Variants in GRM8 observed in about 807,000 individuals in gnomAD.
The protein encoded by GRM8 is glutamate metabotropic receptor 8, also known as metabotropic glutamate receptor 8.
A neutral mutation model predicts 87.2 loss-of-function variants in GRM8; 47 were observed. That is an observed-to-expected ratio of 0.54 (90% confidence interval 0.43 to 0.69). The LOEUF (loss-of-function observed/expected upper bound fraction) is 0.69, where lower values mean the gene tolerates loss of function less well. GRM8 is among the 30% of genes least tolerant of loss of function. The probability of loss-of-function intolerance (pLI) is 0.00; values close to 1 mark genes in which losing one functional copy is unlikely to be tolerated. For missense variants in GRM8, 1,019 were observed against 1,139.2 expected, an observed-to-expected ratio of 0.89 and a Z score of 1.52; for synonymous variants, 396 against 404.5, an observed-to-expected ratio of 0.98 and a Z score of 0.25.
chr7:126,784,066 T>G (rs1820373660), intron 6 of GRM8, among the ~76,000 whole-genome samples: 1 of 152,166 alleles, frequency 6.6e-6, no homozygotes, highest in Non-Finnish European at 1.5e-5. Flanking sequence ...CCTTCAACAT[T>G]ACATATAAGC....
At chr7:127,214,628 G>A (rs1016179173) in intron 2 of GRM8, among the ~76,000 whole-genome samples, 1 of 152,098 alleles carries the variant, frequency 6.6e-6, no homozygotes, top group African/African-American at 2.4e-5. Context: ...CGTGTTGAAG[G>A]AAGTGCCGCA....
At chr7:126,919,519 T>C (rs1804282949) in intron 3 of GRM8, among the ~76,000 whole-genome samples, 1 of 152,084 alleles carries the variant, frequency 6.6e-6, no homozygotes, top group Admixed American at 6.5e-5. Context: ...TCTTAAAAAC[T>C]GATTTTTTGT....
chr7:126,590,779 A>C (rs1796597981), intron 8 of GRM8, among the ~76,000 whole-genome samples: 1 of 152,126 alleles, frequency 6.6e-6, no homozygotes, highest in Non-Finnish European at 1.5e-5. Context: ...AACTAAGCTT[A>C]ATAAATAAAG....
chr7:126,995,262 G>A (rs1813066255), intron 3 of GRM8, among the ~76,000 whole-genome samples: 1 of 152,128 alleles, frequency 6.6e-6, no homozygotes, highest in Non-Finnish European at 1.5e-5. Flanking sequence ...AGACTGAGAA[G>A]ACTACAATAA....
intron 1 of GRM8, chr7:127,251,130 G>A (rs1798840185): frequency 6.6e-6 from 1 of 152,180 alleles, no homozygotes; most frequent in East Asian, 1.9e-4. Context: ...GGGGACTTAA[G>A]GGTTTCTGCA....
At chr7:126,758,512 C>T (rs1817251134) in intron 7 of GRM8, among the ~76,000 whole-genome samples, 2 of 151,694 alleles carry the variant, frequency 1.3e-5, no homozygotes, top group African/African-American at 2.4e-5. Flanking sequence ...CAGAGAAATA[C>T]TGGGGAGAAA....
intron 9 of GRM8, among the ~76,000 whole-genome samples, chr7:126,520,196 C>T (rs568328630): frequency 2.6e-5 from 4 of 151,892 alleles, no homozygotes; most frequent in African/African-American, 9.6e-5. Context: ...GAAGAGAAGT[C>T]TAAAAAGAAG....
chr7:126,867,559 T>C (rs1399515227), intron 6 of GRM8, among the ~76,000 whole-genome samples: 1 of 152,232 alleles, frequency 6.6e-6, no homozygotes, highest in East Asian at 1.9e-4. Flanking sequence ...TAAGTAATTC[T>C]TGTCTGCATT....
intron 3 of GRM8, among the ~76,000 whole-genome samples, chr7:127,002,760 T>G (rs1813859454): frequency 6.6e-6 from 1 of 151,766 alleles, no homozygotes; most frequent in African/African-American, 2.4e-5. Context: ...TTTAAAACAT[T>G]GAAAGCATAA....
chr7:126,460,195 T>C (rs1415831116), intron 9 of GRM8, among the ~76,000 whole-genome samples: 1 of 151,570 alleles, frequency 6.6e-6, no homozygotes, highest in Admixed American at 6.6e-5. Context: ...ATGGGTCTGC[T>C]TGGATACTAG....
chr7:127,057,342 T>C (rs569284375), intron 3 of GRM8, among the ~76,000 whole-genome samples: 2 of 152,316 alleles, frequency 1.3e-5, no homozygotes, highest in South Asian at 4.1e-4. Context: ...TTCAAGTTCA[T>C]GAGTAGAGTC....
intron 3 of GRM8, among the ~76,000 whole-genome samples, chr7:127,102,357 G>A (rs1426563618): frequency 6.6e-6 from 1 of 152,196 alleles, no homozygotes; most frequent in Admixed American, 6.5e-5. Flanking sequence ...TAACTAAAAA[G>A]AGCCAAGTCC....
intron 3 of GRM8, among the ~76,000 whole-genome samples, chr7:127,027,036 T>A (rs1173293019): frequency 4.6e-5 from 7 of 152,224 alleles, no homozygotes; most frequent in Admixed American, 4.6e-4. Flanking sequence ...GGAATCCAGT[T>A]TCAGCTTTCT....
chr7:126,899,958 C>T (rs1002600353), intron 6 of GRM8, among the ~76,000 whole-genome samples: 11 of 152,210 alleles, frequency 7.2e-5, no homozygotes, highest in Middle Eastern at 3.4e-3. Context: ...TGAAACCTCA[C>T]GCACCTGTCT....
chr7:126,441,873 T>G (rs1801502481), intron 10 of GRM8, among the ~76,000 whole-genome samples: 1 of 152,114 alleles, frequency 6.6e-6, no homozygotes, highest in Non-Finnish European at 1.5e-5. Context: ...AGCTTCAGGC[T>G]AAAAATAGTT....
At chr7:126,646,270 G>GGAAGGAAGGAAGGAAA (rs1803058123) in intron 7 of GRM8, among the ~76,000 whole-genome samples, 6 of 59,900 alleles carry the variant, frequency 1.0e-4, no homozygotes, top group Non-Finnish European at 4.0e-5. Context: ...AAAGAAGGAA[G>GGAAGGAAGGAAGGAAA]GAAGGAAGGA....
chr7:126,937,602 T>C (rs1420451765), intron 3 of GRM8, among the ~76,000 whole-genome samples: 4 of 151,812 alleles, frequency 2.6e-5, no homozygotes, highest in Non-Finnish European at 5.9e-5. Flanking sequence ...ACCCAGAGAG[T>C]GAGTTTGGAT....
At chr7:127,086,444 G>A (rs1345478792) in intron 3 of GRM8, among the ~76,000 whole-genome samples, 5 of 152,086 alleles carry the variant, frequency 3.3e-5, no homozygotes, top group East Asian at 1.9e-4. Context: ...TCCAAATTCC[G>A]AAGCAATCTT....
intron 9 of GRM8, among the ~76,000 whole-genome samples, chr7:126,528,615 TG>T (rs1814294962): frequency 4.4e-4 from 2 of 4,586 alleles, no homozygotes; most frequent in Non-Finnish European, 7.3e-4. Context: ...CAAAAGAAGT[TG>T]TGTGTGTGTG....
Sources: gnomAD v4.1 joint callset for allele counts (sites outside exome capture counted in the v4.1 genomes callset) on GRCh38, gnomAD v4.1.1 for gene constraint, MANE v1.5 for transcripts, NCBI Gene and HGNC (gene_info 2026-07-23, HGNC 2026-07-21) for gene names.